ITGA1: variants seen among roughly 807,000 people sequenced by gnomAD.
The protein encoded by ITGA1 is integrin alpha-1.
ITGA1 carries 85 observed loss-of-function variants against 145.9 expected under a neutral mutation model. The observed-to-expected ratio is 0.58, with a 90% confidence interval of 0.49 to 0.70. The LOEUF (loss-of-function observed/expected upper bound fraction) is 0.70. Ranked by LOEUF, ITGA1 falls within the 30% of genes least tolerant of loss-of-function variation. ITGA1 has a pLI of 0.00. For synonymous variants in ITGA1, 520 were observed against 495.3 expected, an observed-to-expected ratio of 1.05 and a Z score of -0.66; for missense variants, 1,351 against 1,418.7, an observed-to-expected ratio of 0.95 and a Z score of 0.77.
intron 6 of ITGA1, among the ~76,000 whole-genome samples, chr5:52,875,953 A>C (rs1464470554): frequency 6.6e-6 from 1 of 151,984 alleles, no homozygotes; most frequent in Non-Finnish European, 1.5e-5. Context: ...CATCTTTGAC[A>C]TATTTTCCAG....
intron 6 of ITGA1, among the ~76,000 whole-genome samples, chr5:52,879,422 A>G (rs1749919316): frequency 6.6e-6 from 1 of 152,196 alleles, no homozygotes; most frequent in Non-Finnish European, 1.5e-5. Flanking sequence ...AATTAGCCAT[A>G]ATGATTATCC....
intron 5 of ITGA1, 88 bp downstream of exon 5, chr5:52,865,170 TTAAAG>T (rs1749667685): frequency 5.3e-6 from 5 of 944,896 alleles, no homozygotes; most frequent in Admixed American, 2.7e-5. Flanking sequence ...ACCAAAAAGC[TTAAAG>T]TATTTTCTTA....
chr5:52,814,349 G>A (rs1003705636), intron 1 of ITGA1, among the ~76,000 whole-genome samples: 1 of 152,026 alleles, frequency 6.6e-6, no homozygotes, highest in African/African-American at 2.4e-5. Context: ...TGTTGACCAG[G>A]CTGGTCTCAA....
chr5:52,952,515 A>G lies in ITGA1; in HGVS notation c.*64A>G, dbSNP rs1258203130. On this transcript the variant is annotated 3_prime_UTR_variant, in exon 29 of 29. Coordinates refer to ENST00000282588, the MANE Select transcript of ITGA1 (RefSeq NM_181501.2). Reference sequence around the variant, plus strand: ...ATCTATCCTCAGGTTTGCCTCAAATATGTGACAAGAAATGTATAATTCATG... The same window carrying G: ...ATCTATCCTCAGGTTTGCCTCAAATGTGTGACAAGAAATGTATAATTCATG... 2 of 708,118 alleles carry G rather than the reference A, an allele frequency of 2.8e-6. No individual in the cohort carries two copies. The highest frequency in any genetic ancestry group is 4.6e-6 in the Non-Finnish European group (2 of 435,510). The allele number at this position is 708,118 out of a possible 1,614,324, so 43.9% of individuals were successfully genotyped here. A position where few individuals can be genotyped will look rare whatever the true frequency, so the allele number is the denominator to read the frequency against.
At chr5:52,951,157 T>C (rs1751213382) in intron 28 of ITGA1, among the ~76,000 whole-genome samples, 1 of 152,164 alleles carries the variant, frequency 6.6e-6, no homozygotes, top group Non-Finnish European at 1.5e-5. Flanking sequence ...GTTTAATAAT[T>C]ATTTTATAAA....
In ITGA1 at chr5:52,824,139, T is replaced by C. The variant is rs1034536325; in HGVS notation, c.62-25226T>C. ...TATATATAGTAATCATTAAATCAAA[T>C]AATTATAAGTCACTTACCAAAGGAA... On this transcript the variant is annotated intron_variant, in intron 1 of 28. Transcript: ENST00000282588. Among the ~76,000 whole-genome samples the C allele has an allele frequency of 6.6e-5, 10 of 152,188 alleles. No homozygotes were observed. In the East Asian group the frequency reaches 1.7e-3, roughly 26 times the overall value.
At chr5:52,853,435 G>A (rs1053057689) in intron 2 of ITGA1, among the ~76,000 whole-genome samples, 4 of 152,030 alleles carry the variant, frequency 2.6e-5, no homozygotes, top group Non-Finnish European at 4.4e-5. Context: ...TCTAGAGGTA[G>A]GCACCTTCAT....
chr5:52,952,566 A>C lies in ITGA1; in HGVS notation c.*115A>C, dbSNP rs1422572666. 2 of 427,410 alleles carry C rather than the reference A, an allele frequency of 4.7e-6. No homozygotes were observed. Among genetic ancestry groups the C allele is most frequent in the Non-Finnish European group, 8.5e-6 (2 of 234,618 alleles). 26.5% of individuals were successfully genotyped at this position (427,410 alleles called of 1,614,324 possible). On this transcript the variant is annotated 3_prime_UTR_variant, in exon 29 of 29. Coordinates refer to ENST00000282588, the MANE Select transcript of ITGA1 (RefSeq NM_181501.2). Reference sequence around the variant, plus strand: ...ACATAGTCATGTAACTATGTAATCCATCAGGGATTCATTACTTGGAAAATG... The same window carrying C: ...ACATAGTCATGTAACTATGTAATCCCTCAGGGATTCATTACTTGGAAAATG...
chr5:52,901,219 G>A lies in ITGA1; in HGVS notation c.1309+2836G>A, dbSNP rs1350704802. Among the ~76,000 whole-genome samples, 5 of 152,242 alleles carry A rather than the reference G, an allele frequency of 3.3e-5. No individual in the cohort carries two copies. In the East Asian group the frequency reaches 9.7e-4, roughly 29 times the overall value. On this transcript the variant is annotated intron_variant, in intron 11 of 28. Coordinates refer to ENST00000282588, the MANE Select transcript of ITGA1 (RefSeq NM_181501.2). ...TTGTTGGCTTTAAAGATGGAGGGGG[G>A]CCACAAGCCAAAAACTGTAGATGGC...
chr5:52,932,169 T>C (rs1367982611), intron 22 of ITGA1, 33 bp downstream of exon 22: 1 of 1,305,076 alleles, frequency 7.7e-7, no homozygotes, highest in Non-Finnish European at 1.1e-6. Context: ...TGTGGATGCC[T>C]TTCTATTAAC....
intron 15 of ITGA1, among the ~76,000 whole-genome samples, chr5:52,916,693 A>C (rs996143084): frequency 2.0e-5 from 3 of 152,186 alleles, no homozygotes; most frequent in African/African-American, 7.2e-5. Flanking sequence ...AGTGGCTGGG[A>C]CTTTGGGGAG....
In ITGA1 at chr5:52,957,154, A is replaced by T. The variant is rs1751317834; in HGVS notation, c.*4703A>T. 6.6e-6 allele frequency: 1 copy of T among 152,200 alleles called. No individual in the cohort carries two copies. The highest frequency in any genetic ancestry group is 2.1e-4 in the South Asian group (1 of 4,826). The allele number at this position is 152,200 out of a possible 1,614,324, so 9.4% of individuals were successfully genotyped here. A position where few individuals can be genotyped will look rare whatever the true frequency, so the allele number is the denominator to read the frequency against. On this transcript the variant is annotated 3_prime_UTR_variant, in exon 29 of 29. Transcript: ENST00000282588. ...TTCAAAGTAACAGCCTTTAACCATT[A>T]ACCTTGAGGAAAATGTGAAGTAGCA... is the stretch of plus-strand genomic sequence containing the variant.
intron 1 of ITGA1, among the ~76,000 whole-genome samples, chr5:52,837,994 A>G (rs1749187225): frequency 6.6e-6 from 1 of 152,230 alleles, no homozygotes; most frequent in Non-Finnish European, 1.5e-5. Flanking sequence ...TCTTATAAAC[A>G]AACTTTAATG....
chr5:52,856,020 C>T (rs771259568), intron 2 of ITGA1, among the ~76,000 whole-genome samples: 9 of 152,110 alleles, frequency 5.9e-5, no homozygotes, highest in Admixed American at 2.0e-4. Context: ...TGCAATAGGC[C>T]GTGGTTGAGA....
chr5:52,840,923 A>T (rs772297403), intron 1 of ITGA1, among the ~76,000 whole-genome samples: 2 of 152,216 alleles, frequency 1.3e-5, no homozygotes, highest in Non-Finnish European at 2.9e-5. Context: ...TTTCCACCAG[A>T]CACAGATATA....
At chr5:52,891,248 A>C (rs900390324) in intron 8 of ITGA1, among the ~76,000 whole-genome samples, 5 of 142,108 alleles carry the variant, frequency 3.5e-5, no homozygotes, top group African/African-American at 1.3e-4. Context: ...TATACCCAGC[A>C]ATGTTTTTTT....
At chr5:52,852,003 T>G (rs941412174) in intron 2 of ITGA1, among the ~76,000 whole-genome samples, 26 of 152,212 alleles carry the variant, frequency 1.7e-4, no homozygotes, top group African/African-American at 5.8e-4. Flanking sequence ...CAGAATAGAC[T>G]ATAAATTCAA....
intron 1 of ITGA1, among the ~76,000 whole-genome samples, chr5:52,806,469 ATATT>A (rs1472457377): frequency 2.0e-5 from 3 of 152,026 alleles, no homozygotes; most frequent in Non-Finnish European, 4.4e-5. Context: ...CAGTAAAGAG[ATATT>A]TATTTAGGTT....
chr5:52,928,792 C>T (rs1750850204), intron 20 of ITGA1, among the ~76,000 whole-genome samples: 1 of 152,146 alleles, frequency 6.6e-6, no homozygotes, highest in African/African-American at 2.4e-5. Context: ...CTGAAGAAAG[C>T]AGAAACAGAA....
Sources: gnomAD v4.1 joint callset for allele counts (sites outside exome capture counted in the v4.1 genomes callset) on GRCh38, gnomAD v4.1.1 for gene constraint, MANE v1.5 for transcripts, NCBI Gene and HGNC (gene_info 2026-07-23, HGNC 2026-07-21) for gene names.